L2HGDH: variants seen among roughly 807,000 people sequenced by gnomAD.
L2HGDH encodes L-2-hydroxyglutarate dehydrogenase, mitochondrial.
L2HGDH carries 34 observed loss-of-function variants against 51.5 expected under a neutral mutation model. That is an observed-to-expected ratio of 0.66 (90% CI 0.50 to 0.88). The LOEUF (loss-of-function observed/expected upper bound fraction) is 0.88, where lower values mean the gene tolerates loss of function less well. Ranked by LOEUF, L2HGDH falls within the 40% of genes least tolerant of loss-of-function variation. L2HGDH has a pLI of 0.00. For synonymous variants in L2HGDH, 198 were observed against 197.9 expected, an observed-to-expected ratio of 1.00 and a Z score of -0.01; for missense variants, 558 against 571.9, an observed-to-expected ratio of 0.98 and a Z score of 0.25.
chr14:50,269,157 A>T lies in L2HGDH; in HGVS notation c.906+6T>A. 1.2e-6 allele frequency: 2 copies of T among 1,612,384 alleles called. No homozygotes were observed. The highest frequency in any genetic ancestry group is 1.7e-6 in the Non-Finnish European group (2 of 1,178,474). On this transcript the variant is annotated splice_donor_region_variant and intron_variant, in intron 7 of 9. Coordinates refer to ENST00000267436, the MANE Select transcript of L2HGDH (RefSeq NM_024884.3). ...AAAATGAGAAGTAGGAAGCATCATT[A>T]CCTACCGGATAAATATTTCCTTTTA...
intron 6 of L2HGDH, among the ~76,000 whole-genome samples, chr14:50,274,624 T>C (rs1341158351): frequency 1.3e-5 from 2 of 152,188 alleles, no homozygotes; most frequent in African/African-American, 4.8e-5. Flanking sequence ...TCTGGGTATA[T>C]ACCCAAAGAA....
intron 3 of L2HGDH, among the ~76,000 whole-genome samples, chr14:50,299,582 T>C (rs2030283824): frequency 6.6e-6 from 1 of 152,136 alleles, no homozygotes; most frequent in Non-Finnish European, 1.5e-5. Flanking sequence ...AACAAAATAC[T>C]AGCAAACCAA....
chr14:50,276,548 G>A (rs1000798377), intron 6 of L2HGDH, among the ~76,000 whole-genome samples: 2 of 151,518 alleles, frequency 1.3e-5, no homozygotes, highest in East Asian at 1.9e-4. Context: ...AGGTAACTAA[G>A]GTTAAATGAG....
chr14:50,287,691 CTTT>C (rs911689718), intron 4 of L2HGDH, among the ~76,000 whole-genome samples: 43 of 85,246 alleles, frequency 5.0e-4, no homozygotes, highest in African/African-American at 2.0e-3. Context: ...TATTTTTTTC[CTTT>C]TTTTTTTTTT....
Position 50,244,429 on chromosome 14 carries a change from T to G in L2HGDH, c.*2629A>C, listed in dbSNP as rs888000593. 1.3e-5 allele frequency: 13 copies of G among 985,254 alleles called. No individual in the cohort carries two copies. The highest frequency in any genetic ancestry group is 1.6e-5 in the Non-Finnish European group (13 of 829,878). 61.0% of individuals were successfully genotyped at this position (985,254 alleles called of 1,614,324 possible). A position where few individuals can be genotyped will look rare whatever the true frequency, so the allele number is the denominator to read the frequency against. On this transcript the variant is annotated 3_prime_UTR_variant, in exon 10 of 10. Coordinates refer to ENST00000267436, the MANE Select transcript of L2HGDH (RefSeq NM_024884.3). ...ACAATCATTTTTTGTAATTCAATGT[T>G]TACAACTTAGTATGTATGCAATCGT...
intron 1 of L2HGDH, among the ~76,000 whole-genome samples, chr14:50,310,577 G>A (rs1386303887): frequency 6.6e-6 from 1 of 151,940 alleles, no homozygotes; most frequent in African/African-American, 2.4e-5. Flanking sequence ...AGCTCCTGGA[G>A]GACAGGAAGC....
Position 50,309,095 on chromosome 14 carries a change from C to G in L2HGDH, c.140+2916G>C, listed in dbSNP as rs570005137. On this transcript the variant is annotated intron_variant, in intron 1 of 9. Coordinates refer to ENST00000267436, the MANE Select transcript of L2HGDH (RefSeq NM_024884.3). ...TGCAGTTGCTGGTATTTTTTTCCCACGTCTTGGTAGTTTTTTCATTCTCTT... is the reference window on the plus strand; with the variant it reads ...TGCAGTTGCTGGTATTTTTTTCCCAGGTCTTGGTAGTTTTTTCATTCTCTT... Among the ~76,000 whole-genome samples, 8 of 152,164 alleles carry G rather than the reference C, an allele frequency of 5.3e-5. No homozygotes were observed. The East Asian group carries it at 1.5e-3, about 29-fold the overall frequency.
chr14:50,249,887 T>A (rs1453243227), intron 9 of L2HGDH, among the ~76,000 whole-genome samples: 4 of 15,670 alleles, frequency 2.6e-4, no homozygotes, highest in African/African-American at 1.0e-3. Flanking sequence ...CACTCCTTTT[T>A]TTTTTTTTTT....
rs559717558 is a variant in L2HGDH at position 50,245,529 on chromosome 14, T to C, written c.*1529A>G. Reference sequence around the variant, plus strand: ...ATATTATAATTAAGATAGAAACTTATTCAAACTACTCAAAAATGTAAATTT... The same window carrying C: ...ATATTATAATTAAGATAGAAACTTACTCAAACTACTCAAAAATGTAAATTT... On this transcript the variant is annotated 3_prime_UTR_variant, in exon 10 of 10. Coordinates refer to ENST00000267436, the MANE Select transcript of L2HGDH (RefSeq NM_024884.3). 9.8e-5 allele frequency: 95 copies of C among 969,112 alleles called. No individual in the cohort carries two copies. The African/African-American group carries it at 1.5e-3, about 16-fold the overall frequency. The allele number at this position is 969,112 out of a possible 1,614,324, so 60.0% of individuals were successfully genotyped here. A position where few individuals can be genotyped will look rare whatever the true frequency, so the allele number is the denominator to read the frequency against.
chr14:50,280,231 A>G (rs1045479856), intron 5 of L2HGDH, among the ~76,000 whole-genome samples: 6 of 150,800 alleles, frequency 4.0e-5, no homozygotes, highest in Non-Finnish European at 8.9e-5. Flanking sequence ...CGCTGGTGCA[A>G]TATCAGCTCA....
rs1451479425 is a variant in L2HGDH at position 50,245,196 on chromosome 14, A to G, written c.*1862T>C. 3 of 985,316 alleles carry G rather than the reference A, an allele frequency of 3.0e-6. No homozygotes were observed. The highest frequency in any genetic ancestry group is 3.6e-6 in the Non-Finnish European group (3 of 829,850). The allele number at this position is 985,316 out of a possible 1,614,324, so 61.0% of individuals were successfully genotyped here. A position where few individuals can be genotyped will look rare whatever the true frequency, so the allele number is the denominator to read the frequency against. ...AAGTTTATAGGAGCCCTGAAAAATCAAGTACGTATGAATCATTACCAATCT... is the reference window on the plus strand; with the variant it reads ...AAGTTTATAGGAGCCCTGAAAAATCGAGTACGTATGAATCATTACCAATCT... On this transcript the variant is annotated 3_prime_UTR_variant, in exon 10 of 10. Coordinates refer to ENST00000267436, the MANE Select transcript of L2HGDH (RefSeq NM_024884.3).
intron 9 of L2HGDH, among the ~76,000 whole-genome samples, chr14:50,248,650 C>T (rs564251379): frequency 6.6e-6 from 1 of 152,332 alleles, no homozygotes; most frequent in African/African-American, 2.4e-5. Context: ...GATAAGTGAT[C>T]TTCCCTATAG....
Position 50,245,042 on chromosome 14 carries a change from C to A in L2HGDH, c.*2016G>T, listed in dbSNP as rs1887937703. Reference sequence around the variant, plus strand: ...ATAGATACCACAAAACACATATATACAGGATATACCACAGCACTGGGCATC... The same window carrying A: ...ATAGATACCACAAAACACATATATAAAGGATATACCACAGCACTGGGCATC... On this transcript the variant is annotated 3_prime_UTR_variant, in exon 10 of 10. Transcript: ENST00000267436. 1 of 985,590 alleles carries A rather than the reference C, an allele frequency of 1.0e-6. No homozygotes were observed. Among genetic ancestry groups the A allele is most frequent in the African/African-American group, 1.7e-5 (1 of 57,198 alleles). 61.1% of individuals were successfully genotyped at this position (985,590 alleles called of 1,614,324 possible). A position where few individuals can be genotyped will look rare whatever the true frequency, so the allele number is the denominator to read the frequency against.
intron 4 of L2HGDH, among the ~76,000 whole-genome samples, chr14:50,292,033 T>C (rs1890911773): frequency 6.6e-6 from 1 of 152,146 alleles, no homozygotes; most frequent in Non-Finnish European, 1.5e-5. Flanking sequence ...AAAAGTGAAT[T>C]TTAAATAACA....
At chr14:50,258,542 C>CT (rs1253634727) in intron 9 of L2HGDH, among the ~76,000 whole-genome samples, 1 of 151,848 alleles carries the variant, frequency 6.6e-6, no homozygotes, top group African/African-American at 2.4e-5. Context: ...GAGACAGGGT[C>CT]TTGCTCTGTC....
At chr14:50,285,556 G>A (rs1467124848) in intron 4 of L2HGDH, among the ~76,000 whole-genome samples, 1 of 152,134 alleles carries the variant, frequency 6.6e-6, no homozygotes, top group Non-Finnish European at 1.5e-5. Context: ...AATCTTAGAA[G>A]CTCACTTAGG....
intron 4 of L2HGDH, among the ~76,000 whole-genome samples, chr14:50,285,245 T>C (rs1890504229): frequency 6.6e-6 from 1 of 152,162 alleles, no homozygotes; most frequent in Non-Finnish European, 1.5e-5. Flanking sequence ...AGACTTCGTC[T>C]TTAAAAAAAG....
At position 50,242,982 on chromosome 14, in the gene L2HGDH, A is replaced by G. The variant is rs1887859586; in HGVS notation, c.*4076T>C. 2 of 985,252 alleles carry G rather than the reference A, an allele frequency of 2.0e-6. No individual in the cohort carries two copies. The highest frequency in any genetic ancestry group is 1.2e-4 in the Admixed American group (2 of 16,256). The allele number at this position is 985,252 out of a possible 1,614,324, so 61.0% of individuals were successfully genotyped here. ...TTGCCTCCAAAAGTAGGCCCTACAA[A>G]CTCCCGTAGGCCAGGGCCTGGCAGT... On this transcript the variant is annotated 3_prime_UTR_variant, in exon 10 of 10. Transcript: ENST00000267436.
At chr14:50,273,732 A>T (rs115185093) in intron 6 of L2HGDH, among the ~76,000 whole-genome samples, 2,150 of 152,294 alleles carry the variant, frequency 0.014, 49 homozygotes, top group African/African-American at 0.049. Flanking sequence ...TATCCAAAAA[A>T]TGTAAGAAAC....
Sources: allele counts gnomAD v4.1 joint callset (sites outside exome capture counted in the v4.1 genomes callset), GRCh38; gene constraint gnomAD v4.1.1; transcripts MANE v1.5; gene names NCBI Gene and HGNC (gene_info 2026-07-23, HGNC 2026-07-21).